CDH13: variants seen among roughly 807,000 people sequenced by gnomAD.
The protein encoded by CDH13 is cadherin-13.
Under a neutral mutation model 63.8 loss-of-function variants are expected in CDH13, and 24 were observed. That is an observed-to-expected ratio of 0.38 (90% CI 0.27 to 0.53). CDH13 has a LOEUF of 0.53. CDH13 is among the 20% of genes least tolerant of loss of function. The pLI is 0.85. For synonymous variants in CDH13, 503 were observed against 355.3 expected (o/e 1.42, Z -4.67); for missense variants, 1,049 against 903.1 (o/e 1.16, Z -2.07).
intron 1 of CDH13, among the ~76,000 whole-genome samples, chr16:82,753,476 T>A (rs1597477866): frequency 6.6e-6 from 1 of 152,238 alleles, no homozygotes; most frequent in East Asian, 1.9e-4. Flanking sequence ...TGGGCACATT[T>A]CCCCTGCTAA....
At chr16:82,664,587 C>A (rs1912367232) in intron 1 of CDH13, among the ~76,000 whole-genome samples, 1 of 152,182 alleles carries the variant, frequency 6.6e-6, no homozygotes, top group Admixed American at 6.5e-5. Flanking sequence ...CATTTGATGA[C>A]TGGGAGAAAG....
chr16:83,258,265 C>G (rs1483454475), intron 5 of CDH13, among the ~76,000 whole-genome samples: 1 of 152,202 alleles, frequency 6.6e-6, no homozygotes, highest in South Asian at 2.1e-4. Flanking sequence ...CCAATATTTT[C>G]AGGCAAATGT....
intron 6 of CDH13, among the ~76,000 whole-genome samples, chr16:83,432,265 T>C (rs551588602): frequency 6.6e-6 from 1 of 152,292 alleles, no homozygotes; most frequent in South Asian, 2.1e-4. Context: ...TGGGACACCA[T>C]GGATCCGTTC....
At chr16:82,946,938 G>A (rs1193555018) in intron 2 of CDH13, among the ~76,000 whole-genome samples, 1 of 151,708 alleles carries the variant, frequency 6.6e-6, no homozygotes, top group Non-Finnish European at 1.5e-5. Context: ...TGCCATAACA[G>A]ATTGGATACA....
chr16:83,261,878 GAGT>G (rs956012879), intron 5 of CDH13, among the ~76,000 whole-genome samples: 4 of 152,062 alleles, frequency 2.6e-5, no homozygotes, highest in African/African-American at 7.2e-5. Flanking sequence ...GCAGTGGGAG[GAGT>G]CACTCAAAGA....
At chr16:83,405,295 TG>T (rs1298282969) in intron 6 of CDH13, among the ~76,000 whole-genome samples, 1 of 152,320 alleles carries the variant, frequency 6.6e-6, no homozygotes, top group East Asian at 1.9e-4. Flanking sequence ...TACTAATTCC[TG>T]GGGCCTGTGA....
intron 7 of CDH13, among the ~76,000 whole-genome samples, chr16:83,580,833 G>A (rs1905526820): frequency 1.3e-5 from 2 of 152,010 alleles, no homozygotes; most frequent in Non-Finnish European, 2.9e-5. Context: ...TCTTTTATTT[G>A]TTCTTATTAA....
chr16:83,794,787 G>A (rs566933440), intron 13 of CDH13, among the ~76,000 whole-genome samples: 24 of 152,134 alleles, frequency 1.6e-4, no homozygotes, highest in Non-Finnish European at 2.1e-4. Context: ...CGGTCTGAGC[G>A]ATGTTTGGCA....
chr16:83,296,970 G>A (rs753977312), intron 5 of CDH13, among the ~76,000 whole-genome samples: 6 of 152,164 alleles, frequency 3.9e-5, no homozygotes, highest in Non-Finnish European at 8.8e-5. Context: ...TTTCTAAATA[G>A]AGGAATGATG....
intron 7 of CDH13, among the ~76,000 whole-genome samples, chr16:83,554,086 A>T (rs1178004286): frequency 6.6e-6 from 1 of 152,242 alleles, no homozygotes; most frequent in African/African-American, 2.4e-5. Context: ...TTAGGAGGTT[A>T]TAGATTAGAC....
chr16:82,778,482 A>C (rs2035598441), intron 1 of CDH13, among the ~76,000 whole-genome samples: 1 of 149,148 alleles, frequency 6.7e-6, no homozygotes, highest in African/African-American at 2.5e-5. Flanking sequence ...TCCCTGGAAT[A>C]GAAGGTTTTA....
chr16:82,882,881 G>A (rs140748650), intron 2 of CDH13, among the ~76,000 whole-genome samples: 20 of 152,252 alleles, frequency 1.3e-4, no homozygotes, highest in Admixed American at 4.6e-4. Context: ...AGGATACTAT[G>A]ATTTTCTTAA....
chr16:83,250,230 C>T (rs879280378), intron 5 of CDH13, among the ~76,000 whole-genome samples: 1 of 151,994 alleles, frequency 6.6e-6, no homozygotes. Flanking sequence ...ACTCATTGAC[C>T]CAATGAGCAT....
chr16:82,837,734 G>A (rs779088137), intron 1 of CDH13, among the ~76,000 whole-genome samples: 2 of 152,144 alleles, frequency 1.3e-5, no homozygotes, highest in Non-Finnish European at 2.9e-5. Context: ...GGAGCTCATC[G>A]AGCTGGTCAC....
intron 7 of CDH13, among the ~76,000 whole-genome samples, chr16:83,584,726 C>G (rs1905978615): frequency 6.6e-6 from 1 of 152,140 alleles, no homozygotes; most frequent in Non-Finnish European, 1.5e-5. Flanking sequence ...AAAGAAATAC[C>G]TGAGACTGGG....
chr16:83,603,485 A>G (rs1185981999), intron 8 of CDH13, among the ~76,000 whole-genome samples: 5 of 152,236 alleles, frequency 3.3e-5, no homozygotes, highest in African/African-American at 1.2e-4. Flanking sequence ...ACAAGCTCCA[A>G]GGTCATGGAC....
chr16:83,513,204 G>A (rs927132788), intron 7 of CDH13, among the ~76,000 whole-genome samples: 1 of 152,078 alleles, frequency 6.6e-6, no homozygotes, highest in East Asian at 1.9e-4. Flanking sequence ...AAGCTTCAAA[G>A]CATCAAACAA....
At chr16:83,634,135 A>ATGTGTGTG (rs35109001) in intron 8 of CDH13, among the ~76,000 whole-genome samples, 7 of 104,318 alleles carry the variant, frequency 6.7e-5, no homozygotes, top group African/African-American at 1.9e-4. Flanking sequence ...GTGTGTGTGT[A>ATGTGTGTG]TGTGTGTGTG....
At chr16:83,261,841 C>T (rs1367471330) in intron 5 of CDH13, among the ~76,000 whole-genome samples, 1 of 152,052 alleles carries the variant, frequency 6.6e-6, no homozygotes, top group Non-Finnish European at 1.5e-5. Flanking sequence ...ATACTGGTCT[C>T]TTGTGCCTGC....
Sources: allele counts gnomAD v4.1 joint callset (sites outside exome capture counted in the v4.1 genomes callset), GRCh38; gene constraint gnomAD v4.1.1; transcripts MANE v1.5; gene names NCBI Gene and HGNC (gene_info 2026-07-23, HGNC 2026-07-21).